Variants in SDK1 observed in about 807,000 individuals in gnomAD.
SDK1 encodes protein sidekick-1.
A neutral mutation model predicts 245.5 loss-of-function variants in SDK1; 157 were observed. The observed-to-expected ratio is 0.64, with a 90% CI of 0.56 to 0.73. The LOEUF (loss-of-function observed/expected upper bound fraction) is 0.73, where lower values mean the gene tolerates loss of function less well. Ranked by LOEUF, SDK1 falls within the 30% of genes least tolerant of loss-of-function variation. The pLI is 0.00. For missense variants in SDK1, 3,583 were observed against 3,002.3 expected (o/e 1.19, Z -4.52); for synonymous variants, 1,647 against 1,278.5 (o/e 1.29, Z -6.15).
chr7:3,626,894 G>T (rs1339258960), intron 2 of SDK1, among the ~76,000 whole-genome samples: 2 of 151,886 alleles, frequency 1.3e-5, no homozygotes, highest in Non-Finnish European at 2.9e-5. Context: ...GGCCAGAATA[G>T]GGGCCAATCA....
At chr7:3,402,916 T>G (rs1034107510) in intron 1 of SDK1, among the ~76,000 whole-genome samples, 3 of 152,058 alleles carry the variant, frequency 2.0e-5, no homozygotes, top group African/African-American at 4.8e-5. Context: ...TTATTATGAA[T>G]TAGATGAAAC....
At chr7:4,166,027 G>A (rs1042491387) in intron 32 of SDK1, among the ~76,000 whole-genome samples, 8 of 152,002 alleles carry the variant, frequency 5.3e-5, no homozygotes, top group East Asian at 1.9e-4. Context: ...GGACTCAAGC[G>A]ATCCTCCTTC....
intron 25 of SDK1, 33 bp downstream of exon 25, chr7:4,114,307 CCG>C: frequency 1.1e-5 from 17 of 1,522,344 alleles, no homozygotes; most frequent in Non-Finnish European, 1.4e-5. Flanking sequence ...CCTGGAGACA[CCG>C]CATTAGAGAT....
At chr7:3,963,690 A>T (rs1193356423) in intron 9 of SDK1, among the ~76,000 whole-genome samples, 5 of 117,600 alleles carry the variant, frequency 4.3e-5, no homozygotes, top group Non-Finnish European at 8.9e-5. Context: ...CAGTGGGTAC[A>T]CCCAGGCTCA....
At chr7:3,633,671 G>A (rs1009588877) in intron 2 of SDK1, among the ~76,000 whole-genome samples, 72 of 152,108 alleles carry the variant, frequency 4.7e-4, no homozygotes, top group Admixed American at 4.7e-3. Context: ...ACCGTGGTGA[G>A]CACCTAGTAA....
At chr7:3,707,059 G>C (rs918155097) in intron 4 of SDK1, among the ~76,000 whole-genome samples, 1 of 151,918 alleles carries the variant, frequency 6.6e-6, no homozygotes, top group East Asian at 1.9e-4. Context: ...ATTTCATTTT[G>C]CTCTGGATCT....
At chr7:4,005,162 C>T (rs564291593) in intron 14 of SDK1, among the ~76,000 whole-genome samples, 23 of 149,842 alleles carry the variant, frequency 1.5e-4, no homozygotes, top group Non-Finnish European at 3.0e-4. Context: ...TCTCCTGCCT[C>T]AGCCTCCCAA....
chr7:3,990,621 A>G (rs562258065), intron 14 of SDK1, among the ~76,000 whole-genome samples: 21 of 152,282 alleles, frequency 1.4e-4, no homozygotes, highest in Middle Eastern at 3.4e-3. Context: ...CACCCTAAGG[A>G]CAGCCCCCAT....
At chr7:3,304,138 C>T (rs1054832516) in intron 1 of SDK1, among the ~76,000 whole-genome samples, 7 of 152,208 alleles carry the variant, frequency 4.6e-5, no homozygotes, top group Middle Eastern at 3.4e-3. Context: ...TGATGGGAAC[C>T]GCCAGGTTCA....
At chr7:3,669,625 A>T (rs11505475) in intron 4 of SDK1, among the ~76,000 whole-genome samples, 1 of 151,958 alleles carries the variant, frequency 6.6e-6, no homozygotes, top group South Asian at 2.1e-4. Context: ...GATTTCCTCA[A>T]TCCTTGGTCC....
At chr7:3,566,800 CA>C (rs541446921) in intron 1 of SDK1, among the ~76,000 whole-genome samples, 5 of 150,394 alleles carry the variant, frequency 3.3e-5, no homozygotes, top group Admixed American at 6.6e-5. Flanking sequence ...ACAGTGAACG[CA>C]AAAGGCTAAC....
intron 19 of SDK1, among the ~76,000 whole-genome samples, chr7:4,054,043 A>G (rs1399864370): frequency 2.0e-5 from 3 of 151,860 alleles, no homozygotes; most frequent in South Asian, 2.1e-4. Context: ...GGTTCAAGCA[A>G]TTCTCCTGCC....
chr7:3,518,853 T>A (rs545576264), intron 1 of SDK1, among the ~76,000 whole-genome samples: 1 of 152,154 alleles, frequency 6.6e-6, no homozygotes, highest in East Asian at 1.9e-4. Flanking sequence ...CTTCTGTGTT[T>A]ATTGTAGCAC....
chr7:3,676,041 C>A (rs1783882368), intron 4 of SDK1, among the ~76,000 whole-genome samples: 3 of 152,192 alleles, frequency 2.0e-5, no homozygotes, highest in Admixed American at 2.0e-4. Context: ...TCACGGCTGA[C>A]TGCAGCCACA....
intron 5 of SDK1, among the ~76,000 whole-genome samples, chr7:3,870,003 C>G (rs1375706330): frequency 1.3e-5 from 2 of 152,320 alleles, no homozygotes; most frequent in African/African-American, 4.8e-5. Flanking sequence ...GATCATCCAT[C>G]TAAGTGCAGT....
In SDK1 at chr7:3,642,040, C is replaced by G; in HGVS notation, c.648C>G (p.Thr216=). The G allele has an allele frequency of 6.2e-7, 1 of 1,614,040 alleles. No individual in the cohort carries two copies. The highest frequency in any genetic ancestry group is 8.5e-7 in the Non-Finnish European group (1 of 1,179,888). The change falls in exon 4 of 45, where the codon ACC becomes ACG. Residue 216 remains threonine, a synonymous_variant. Transcript: ENST00000404826. ...CGATTCTAAACCTGCTGCCCATCAC[C>G]AGCTACCCCAGACCTCAAGTGACTT... ...RAAILNLLPI[T]SYPRPQVTWF...
At position 4,042,498 on chromosome 7, in the gene SDK1, G is replaced by A. The variant is rs1051963779; in HGVS notation, c.2603-6850G>A. ...CCAGCTCAGCCAGGTGCCTGCGTGG[G>A]GGGAATTATCCAGTGAAAAGATATT... On this transcript the variant is annotated intron_variant, in intron 17 of 44. Transcript: ENST00000404826. 6.6e-5 allele frequency among the ~76,000 whole-genome samples: 9 copies of A among 136,368 alleles called. 2 individuals carry two copies. Among genetic ancestry groups the A allele is most frequent in the Non-Finnish European group, 1.1e-4 (7 of 65,878 alleles). The allele number at this position is 136,368 out of a possible 152,430, so 89.5% of individuals were successfully genotyped here. A position where few individuals can be genotyped will look rare whatever the true frequency, so the allele number is the denominator to read the frequency against.
chr7:3,567,263 C>G (rs745900598), intron 1 of SDK1, among the ~76,000 whole-genome samples: 5 of 152,192 alleles, frequency 3.3e-5, no homozygotes, highest in Non-Finnish European at 7.3e-5. Flanking sequence ...TATTTATCCT[C>G]CATTCCTCAG....
chr7:3,724,175 G>C (rs1778939300), intron 4 of SDK1, among the ~76,000 whole-genome samples: 1 of 151,974 alleles, frequency 6.6e-6, no homozygotes, highest in South Asian at 2.1e-4. Flanking sequence ...ATGTTGGCCA[G>C]GCTGGTCTCG....
Sources: gnomAD v4.1 joint callset for allele counts (sites outside exome capture counted in the v4.1 genomes callset) on GRCh38, gnomAD v4.1.1 for gene constraint, MANE v1.5 for transcripts, NCBI Gene and HGNC (gene_info 2026-07-23, HGNC 2026-07-21) for gene names.